The following ANK3 variants were observed in gnomAD, a reference collection of about 807,000 sequenced individuals.
The protein encoded by ANK3 is ankyrin 3, also known as ankyrin-3.
A neutral mutation model predicts 370.9 loss-of-function variants in ANK3; 57 were observed. That is an observed-to-expected ratio of 0.15 (90% CI 0.12 to 0.19). The LOEUF (loss-of-function observed/expected upper bound fraction) is 0.19, where lower values mean the gene tolerates loss of function less well. ANK3 is among the 10% of genes least tolerant of loss of function. ANK3 has a pLI of 1.00. For synonymous variants in ANK3, 1,929 were observed against 1,946.3 expected, an observed-to-expected ratio of 0.99 and a Z score of 0.23; for missense variants, 4,439 against 5,302.1, an observed-to-expected ratio of 0.84 and a Z score of 5.06.
intron 1 of ANK3, among the ~76,000 whole-genome samples, chr10:60,628,500 C>T (rs2078439749): frequency 1.3e-5 from 2 of 152,130 alleles, no homozygotes; most frequent in Admixed American, 1.3e-4. Flanking sequence ...GAATTATGAC[C>T]CTATGATTCT....
chr10:60,723,339 A>G (rs940245618), intron 1 of ANK3, among the ~76,000 whole-genome samples: 1 of 152,232 alleles, frequency 6.6e-6, no homozygotes, highest in Non-Finnish European at 1.5e-5. Context: ...AAACCAAAAC[A>G]TAGCATTGAA....
intron 17 of ANK3, among the ~76,000 whole-genome samples, chr10:60,186,356 T>C (rs1354602559): frequency 6.6e-6 from 1 of 151,518 alleles, no homozygotes; most frequent in Non-Finnish European, 1.5e-5. Flanking sequence ...TCTTTTTTTT[T>C]TTTTTTTTTA....
Position 60,073,319 on chromosome 10 carries a change from T to A in ANK3, c.7562A>T (p.Asp2521Val), listed in dbSNP as rs370989295. The change falls in exon 37 of 44, where the codon GAT (aspartate) becomes GTT (valine). Residue 2521 changes from aspartate (D) to valine (V), a missense_variant. By Grantham distance (152) the Asp-to-Val change is radical. Coordinates refer to ENST00000280772, the MANE Select transcript of ANK3 (RefSeq NM_020987.5). ...KKEILSKIYK[D>V]VSENGVGKVS... is the part of the protein sequence containing the mutation. ...TTTACCTACACCATTTTCAGAAACA[T>A]CTTTATAGATTTTGGAGAGAATTTC... 6.2e-7 allele frequency: 1 copy of A among 1,614,058 alleles called. No individual in the cohort carries two copies. Among genetic ancestry groups the A allele is most frequent in the Non-Finnish European group, 8.5e-7 (1 of 1,180,016 alleles).
chr10:60,134,804 T>A (rs2094258511), intron 24 of ANK3, among the ~76,000 whole-genome samples: 1 of 152,206 alleles, frequency 6.6e-6, no homozygotes, highest in East Asian at 1.9e-4. Flanking sequence ...TGTTTATAAG[T>A]CTTTGGGACT....
intron 2 of ANK3, among the ~76,000 whole-genome samples, chr10:60,506,472 T>A (rs1245908770): frequency 1.3e-5 from 2 of 152,138 alleles, no homozygotes; most frequent in Non-Finnish European, 2.9e-5. Context: ...GTGAACCATA[T>A]ACTCCAAACA....
chr10:60,716,467 G>C (rs1428407629), intron 1 of ANK3, among the ~76,000 whole-genome samples: 1 of 152,000 alleles, frequency 6.6e-6, no homozygotes, highest in East Asian at 1.9e-4. Context: ...TTCCACTCAA[G>C]TCATGGATTG....
At chr10:60,128,886 T>C (rs1244093541) in intron 25 of ANK3, among the ~76,000 whole-genome samples, 1 of 152,218 alleles carries the variant, frequency 6.6e-6, no homozygotes, top group Non-Finnish European at 1.5e-5. Flanking sequence ...ATTTATGTAA[T>C]GAGCACTGTC....
chr10:60,272,132 C>T (rs1373400052), intron 4 of ANK3, among the ~76,000 whole-genome samples: 1 of 148,980 alleles, frequency 6.7e-6, no homozygotes, highest in Non-Finnish European at 1.5e-5. Flanking sequence ...TGTGTGCATG[C>T]CCATAGGTCC....
At chr10:60,224,075 A>C (rs1350390058) in intron 8 of ANK3, among the ~76,000 whole-genome samples, 3 of 151,980 alleles carry the variant, frequency 2.0e-5, no homozygotes, top group African/African-American at 7.3e-5. Flanking sequence ...AATAGTGTTG[A>C]TCTCCAGTTG....
intron 2 of ANK3, among the ~76,000 whole-genome samples, chr10:60,413,501 C>A (rs1462619254): frequency 1.3e-5 from 2 of 152,154 alleles, no homozygotes; most frequent in Non-Finnish European, 2.9e-5. Flanking sequence ...ATATGAAAAC[C>A]TCTAAGACCT....
chr10:60,628,445 A>T (rs1159986415), intron 1 of ANK3, among the ~76,000 whole-genome samples: 1 of 152,128 alleles, frequency 6.6e-6, no homozygotes, highest in Admixed American at 6.5e-5. Flanking sequence ...ATCCCCCATG[A>T]TCATCCAGGA....
In ANK3 at chr10:60,034,916, C is replaced by T. The variant is rs933017762; in HGVS notation, c.*20-5090G>A. ...ACTACAGTGCAGTTTTAAAGTAATT[C>T]CCAATTCAGGTAGCTTTGTTTCTTC... On this transcript the variant is annotated intron_variant, in intron 43 of 43. Transcript: ENST00000280772. Among the ~76,000 whole-genome samples, 5 of 152,052 alleles carry T rather than the reference C, an allele frequency of 3.3e-5. No individual in the cohort carries two copies. In the South Asian group the frequency reaches 1.0e-3, roughly 31 times the overall value.
chr10:60,647,852 CT>C (rs10591129), intron 1 of ANK3, among the ~76,000 whole-genome samples: 10,051 of 144,274 alleles, frequency 0.07, 426 homozygotes, highest in East Asian at 0.21. Flanking sequence ...CAAAATTTGC[CT>C]TTTTTTTTTT....
At chr10:60,623,723 A>C (rs17241894) in intron 1 of ANK3, among the ~76,000 whole-genome samples, 13,909 of 152,212 alleles carry the variant, frequency 0.091, 885 homozygotes, top group Non-Finnish European at 0.13. Context: ...GTAAGGAATT[A>C]ACCTTGCCCA....
At chr10:60,334,419 A>T (rs1037497415) in intron 1 of ANK3, among the ~76,000 whole-genome samples, 2 of 152,058 alleles carry the variant, frequency 1.3e-5, no homozygotes, top group African/African-American at 4.8e-5. Flanking sequence ...TAAAATTTGC[A>T]CTCTTAGCAA....
intron 1 of ANK3, among the ~76,000 whole-genome samples, chr10:60,658,793 T>C (rs2078899335): frequency 6.6e-6 from 1 of 151,480 alleles, no homozygotes; most frequent in African/African-American, 2.4e-5. Flanking sequence ...TCTTTCATCC[T>C]AATAGGCAGT....
chr10:60,714,454 A>G (rs139954685), intron 1 of ANK3, among the ~76,000 whole-genome samples: 1 of 152,272 alleles, frequency 6.6e-6, no homozygotes, highest in East Asian at 1.9e-4. Context: ...AAAAACCACA[A>G]ACCACTATCT....
At chr10:60,129,692 G>T (rs1011745806) in intron 25 of ANK3, among the ~76,000 whole-genome samples, 3 of 152,156 alleles carry the variant, frequency 2.0e-5, no homozygotes, top group African/African-American at 7.2e-5. Flanking sequence ...GGTGGAGGTT[G>T]CAGTGAGCTG....
At chr10:60,471,547 G>T (rs1292962119) in intron 2 of ANK3, among the ~76,000 whole-genome samples, 1 of 152,090 alleles carries the variant, frequency 6.6e-6, no homozygotes, top group Non-Finnish European at 1.5e-5. Context: ...CTGCAATGAT[G>T]ATTCTTATAC....
Sources: gnomAD v4.1 joint callset for allele counts (sites outside exome capture counted in the v4.1 genomes callset) on GRCh38, gnomAD v4.1.1 for gene constraint, MANE v1.5 for transcripts, NCBI Gene and HGNC (gene_info 2026-07-23, HGNC 2026-07-21) for gene names.